Variants in OTUD7A observed in about 807,000 individuals in gnomAD.
OTUD7A encodes OTU domain-containing protein 7A.
A neutral mutation model predicts 65.7 loss-of-function variants in OTUD7A; 12 were observed. The ratio of observed to expected loss-of-function variants is 0.18; its 90% CI spans 0.12 to 0.30. The LOEUF (loss-of-function observed/expected upper bound fraction) is 0.30, where lower values mean the gene tolerates loss of function less well. OTUD7A is among the 10% of genes least tolerant of loss of function. The pLI is 1.00. For synonymous variants in OTUD7A, 641 were observed against 586.3 expected (o/e 1.09, Z -1.35); for missense variants, 1,148 against 1,304.8 (o/e 0.88, Z 1.85).
chr15:31,757,962 C>T (rs1222283332), intron 1 of OTUD7A, among the ~76,000 whole-genome samples: 1 of 152,204 alleles, frequency 6.6e-6, no homozygotes, highest in Non-Finnish European at 1.5e-5. Context: ...CAGATTCTCA[C>T]TTGAACAAGC....
intron 4 of OTUD7A, among the ~76,000 whole-genome samples, chr15:31,566,187 T>A (rs1470273882): frequency 2.7e-4 from 34 of 128,080 alleles, no homozygotes; most frequent in Non-Finnish European, 3.1e-4. Context: ...TGAGACTCCA[T>A]CTCAAAAGAA....
At chr15:31,810,183 C>T (rs1447381945) in intron 1 of OTUD7A, among the ~76,000 whole-genome samples, 2 of 152,162 alleles carry the variant, frequency 1.3e-5, no homozygotes, top group African/African-American at 4.8e-5. Context: ...ACTCATAGTT[C>T]TACGGAGCTG....
intron 6 of OTUD7A, among the ~76,000 whole-genome samples, chr15:31,530,132 G>A (rs1009449854): frequency 1.3e-5 from 2 of 152,172 alleles, no homozygotes; most frequent in African/African-American, 4.8e-5. Flanking sequence ...TGACTATGCT[G>A]ACTCCCCTGT....
At chr15:31,826,396 C>G (rs1666378599) in intron 1 of OTUD7A, among the ~76,000 whole-genome samples, 1 of 152,210 alleles carries the variant, frequency 6.6e-6, no homozygotes, top group African/African-American at 2.4e-5. Flanking sequence ...CTGCGTTGGC[C>G]CCTTTCAACC....
chr15:31,789,478 C>T (rs780564663), intron 1 of OTUD7A, among the ~76,000 whole-genome samples: 1 of 152,182 alleles, frequency 6.6e-6, no homozygotes. Context: ...AAGGGCAACA[C>T]ATTTCACTCC....
At chr15:31,614,360 A>T (rs1329954986) in intron 3 of OTUD7A, among the ~76,000 whole-genome samples, 1 of 152,192 alleles carries the variant, frequency 6.6e-6, no homozygotes, top group African/African-American at 2.4e-5. Context: ...ATATCAAGCC[A>T]CAGATCCAGA....
At position 31,612,811 on chromosome 15, in the gene OTUD7A, A is replaced by G. The variant is rs184622819; in HGVS notation, c.151+42285T>C. ...AAAAACAATTCTAAAATTCATATGG[A>G]ACCAAAAAAGAGCCTGCATAGCCAA... On this transcript the variant is annotated intron_variant, in intron 3 of 12. Transcript: ENST00000307050. Among the ~76,000 whole-genome samples, 550 of 152,340 alleles carry G rather than the reference A, an allele frequency of 3.6e-3. 3 individuals are homozygous for G. Among genetic ancestry groups the G allele is most frequent in the Admixed American group, 7.8e-3 (119 of 15,302 alleles).
chr15:31,630,882 C>T (rs1309958731), intron 3 of OTUD7A, among the ~76,000 whole-genome samples: 4 of 152,280 alleles, frequency 2.6e-5, no homozygotes, highest in Non-Finnish European at 4.4e-5. Flanking sequence ...GGTTTAAAGT[C>T]TGTTTTATCA....
intron 1 of OTUD7A, among the ~76,000 whole-genome samples, chr15:31,792,885 C>G (rs1371015180): frequency 6.6e-6 from 1 of 152,138 alleles, no homozygotes; most frequent in Non-Finnish European, 1.5e-5. Context: ...GGGATACAGA[C>G]TAGTGGCAGG....
chr15:31,758,705 T>A (rs1894881048), intron 1 of OTUD7A, among the ~76,000 whole-genome samples: 1 of 152,166 alleles, frequency 6.6e-6, no homozygotes, highest in Non-Finnish European at 1.5e-5. Flanking sequence ...TTTGCCAAGC[T>A]CCAGACCTGG....
intron 1 of OTUD7A, among the ~76,000 whole-genome samples, chr15:31,814,214 C>G (rs754168712): frequency 6.6e-6 from 1 of 152,254 alleles, no homozygotes. Flanking sequence ...CCACTGGCAT[C>G]GGCCATGCAA....
At chr15:31,514,986 C>A (rs528321510) in intron 8 of OTUD7A, among the ~76,000 whole-genome samples, 66 of 152,298 alleles carry the variant, frequency 4.3e-4, no homozygotes, top group African/African-American at 1.6e-3. Context: ...AGCTGCAGTG[C>A]CTGGGGGGTC....
At chr15:31,519,571 T>C (rs1386092855) in intron 8 of OTUD7A, among the ~76,000 whole-genome samples, 3 of 152,194 alleles carry the variant, frequency 2.0e-5, no homozygotes, top group Admixed American at 6.5e-5. Context: ...GTTGAAAGCT[T>C]TTCCTCTAAG....
intron 3 of OTUD7A, among the ~76,000 whole-genome samples, chr15:31,582,799 A>G (rs1388078677): frequency 6.6e-6 from 1 of 152,124 alleles, no homozygotes; most frequent in African/African-American, 2.4e-5. Flanking sequence ...AGCAATGTCA[A>G]TGAGGGATGA....
chr15:31,551,882 T>G (rs953696792), intron 5 of OTUD7A, among the ~76,000 whole-genome samples: 1 of 152,198 alleles, frequency 6.6e-6, no homozygotes, highest in African/African-American at 2.4e-5. Flanking sequence ...GGCAGGGGCC[T>G]TGTGTTCCTC....
intron 10 of OTUD7A, among the ~76,000 whole-genome samples, chr15:31,499,889 C>T (rs2041441248): frequency 6.6e-6 from 1 of 152,216 alleles, no homozygotes; most frequent in South Asian, 2.1e-4. Context: ...CTGCAAGGCC[C>T]TCCTGAAAGG....
At chr15:31,573,208 C>T (rs1033046425) in intron 3 of OTUD7A, among the ~76,000 whole-genome samples, 13 of 152,154 alleles carry the variant, frequency 8.5e-5, no homozygotes, top group Non-Finnish European at 1.6e-4. Context: ...GCCACATCTA[C>T]AAGATACTGA....
chr15:31,751,308 T>C (rs1049848778), intron 1 of OTUD7A, among the ~76,000 whole-genome samples: 1 of 152,032 alleles, frequency 6.6e-6, no homozygotes. Flanking sequence ...AACAAACATA[T>C]GAAAAACTGC....
chr15:31,690,574 A>G (rs1385381776), intron 1 of OTUD7A, among the ~76,000 whole-genome samples: 3 of 152,244 alleles, frequency 2.0e-5, no homozygotes, highest in African/African-American at 4.8e-5. Flanking sequence ...CACAAGGTAG[A>G]CCAGAAATAA....
Sources: allele counts gnomAD v4.1 joint callset (sites outside exome capture counted in the v4.1 genomes callset), GRCh38; gene constraint gnomAD v4.1.1; transcripts MANE v1.5; gene names NCBI Gene and HGNC (gene_info 2026-07-23, HGNC 2026-07-21).